The following PTPRN2 variants were observed in gnomAD, a reference collection of about 807,000 sequenced individuals.
The protein encoded by PTPRN2 is protein tyrosine phosphatase receptor type N2.
In PTPRN2, 74 loss-of-function variants were observed where a neutral mutation model predicts 118.8. The ratio of observed to expected loss-of-function variants is 0.62; its 90% CI spans 0.52 to 0.76. The LOEUF (loss-of-function observed/expected upper bound fraction) is 0.76. PTPRN2 is among the 30% of genes least tolerant of loss of function. The pLI, the probability that PTPRN2 is intolerant of heterozygous loss-of-function variation, is 0.00. For synonymous variants in PTPRN2, 641 were observed against 608.0 expected, an observed-to-expected ratio of 1.05 and a Z score of -0.80; for missense variants, 1,481 against 1,394.4, an observed-to-expected ratio of 1.06 and a Z score of -0.99.
At chr7:158,341,404 T>TAA (rs1806748623) in intron 2 of PTPRN2, among the ~76,000 whole-genome samples, 1 of 43,740 alleles carries the variant, frequency 2.3e-5, no homozygotes, top group African/African-American at 1.1e-4. Flanking sequence ...ATAAGAGCTG[T>TAA]CGCCCGCAGA....
chr7:158,254,304 G>A (rs1284202340), intron 3 of PTPRN2, among the ~76,000 whole-genome samples: 1 of 26,570 alleles, frequency 3.8e-5, no homozygotes. Context: ...CCACGTTCAG[G>A]AGCATCCCTG....
At chr7:158,224,315 A>C (rs1025847247) in intron 3 of PTPRN2, among the ~76,000 whole-genome samples, 8 of 152,202 alleles carry the variant, frequency 5.3e-5, no homozygotes, top group Admixed American at 2.6e-4. Flanking sequence ...AATAAAAATA[A>C]AGTGGAAGGA....
chr7:157,702,365 C>G (rs1023904826), intron 12 of PTPRN2, among the ~76,000 whole-genome samples: 2 of 152,134 alleles, frequency 1.3e-5, no homozygotes, highest in African/African-American at 4.8e-5. Flanking sequence ...TATGAGAAAG[C>G]CTGGTAGGTG....
chr7:158,153,014 A>G (rs149602954), intron 6 of PTPRN2, among the ~76,000 whole-genome samples: 1,620 of 146,030 alleles, frequency 0.011, 40 homozygotes, highest in African/African-American at 0.039. Context: ...GCATGCCAGC[A>G]GGCCACCGAC....
At chr7:158,174,335 A>G (rs1299464738) in intron 5 of PTPRN2, among the ~76,000 whole-genome samples, 2 of 151,972 alleles carry the variant, frequency 1.3e-5, no homozygotes, top group East Asian at 3.9e-4. Context: ...CCCCACCACC[A>G]TCATCTTCAC....
chr7:158,378,055 G>A (rs1040222408), intron 2 of PTPRN2, among the ~76,000 whole-genome samples: 1 of 152,124 alleles, frequency 6.6e-6, no homozygotes, highest in South Asian at 2.1e-4. Context: ...GGTGTGACAC[G>A]GCAGGTCCTG....
At chr7:158,049,621 C>T (rs549280128) in intron 11 of PTPRN2, among the ~76,000 whole-genome samples, 479 of 152,292 alleles carry the variant, frequency 3.1e-3, no homozygotes, top group Non-Finnish European at 5.6e-3. Flanking sequence ...AACCTGAGGC[C>T]GGGCGCAGGG....
chr7:158,358,216 G>A (rs999308454), intron 2 of PTPRN2, among the ~76,000 whole-genome samples: 15 of 152,158 alleles, frequency 9.9e-5, no homozygotes, highest in African/African-American at 3.1e-4. Context: ...GACGCCCTAC[G>A]CCCACCTTTC....
At chr7:158,430,937 A>C (rs994149187) in intron 2 of PTPRN2, among the ~76,000 whole-genome samples, 1 of 152,170 alleles carries the variant, frequency 6.6e-6, no homozygotes, top group African/African-American at 2.4e-5. Context: ...CGTGGAACCA[A>C]AGCAGACATG....
intron 11 of PTPRN2, among the ~76,000 whole-genome samples, chr7:158,033,428 G>T (rs56774282): frequency 6.6e-6 from 1 of 152,168 alleles, no homozygotes; most frequent in African/African-American, 2.4e-5. Flanking sequence ...CCTGAGTCAC[G>T]GGAGTGAGGT....
intron 11 of PTPRN2, among the ~76,000 whole-genome samples, chr7:158,011,081 G>C (rs1806014916): frequency 6.6e-6 from 1 of 152,206 alleles, no homozygotes; most frequent in Non-Finnish European, 1.5e-5. Flanking sequence ...ACACCACAAA[G>C]GTGTACAAAT....
intron 11 of PTPRN2, among the ~76,000 whole-genome samples, chr7:158,056,446 C>A (rs1437266833): frequency 6.6e-6 from 1 of 152,252 alleles, no homozygotes; most frequent in Non-Finnish European, 1.5e-5. Context: ...TTGGGAAAAA[C>A]ACATTTGTAA....
chr7:157,588,271 GCGGGTGGCCAACTCCCTT>G (rs1463735051), intron 17 of PTPRN2, among the ~76,000 whole-genome samples: 1 of 152,250 alleles, frequency 6.6e-6, no homozygotes, highest in Non-Finnish European at 1.5e-5. Flanking sequence ...AGGGGGGATG[GCGGGTGGCCAACTCCCTT>G]CGGTTGACTC....
chr7:157,921,712 G>T (rs1052087682), intron 11 of PTPRN2, among the ~76,000 whole-genome samples: 1 of 152,210 alleles, frequency 6.6e-6, no homozygotes, highest in African/African-American at 2.4e-5. Flanking sequence ...CAGTAAGAAA[G>T]CCCTTGTCAG....
intron 1 of PTPRN2, among the ~76,000 whole-genome samples, chr7:158,561,050 C>T (rs1334283606): frequency 6.6e-6 from 1 of 152,210 alleles, no homozygotes; most frequent in Non-Finnish European, 1.5e-5. Context: ...AGGGCAGGGC[C>T]TGGGAATCGG....
At chr7:158,340,957 G>C (rs1407190178) in intron 2 of PTPRN2, among the ~76,000 whole-genome samples, 1 of 82,596 alleles carries the variant, frequency 1.2e-5, no homozygotes, top group Non-Finnish European at 2.6e-5. Context: ...CATAAGAGCT[G>C]ACGCCCGCAG....
rs1188362414 is a variant in PTPRN2, at chr7:157,617,361, C to T, written c.2344+4001G>A. The T allele has an allele frequency of 1.3e-5, 2 of 148,626 alleles. No individual in the cohort carries two copies. The highest frequency in any genetic ancestry group is 3.0e-5 in the Non-Finnish European group (2 of 67,430). The allele number at this position is 148,626 out of a possible 1,614,324, so 9.2% of individuals were successfully genotyped here. A position where few individuals can be genotyped will look rare whatever the true frequency, so the allele number is the denominator to read the frequency against. On this transcript the variant is annotated intron_variant, in intron 15 of 22. Transcript: ENST00000389418. The surrounding 1 kb of genome is among the most constrained non-coding windows in gnomAD (Gnocchi z 7.5). Reference sequence around the variant, plus strand: ...GTGATGCCGTGGTTAGGACGCCGTTCACGCAGCTGCAGCGCAGAGCACGGG... The same window carrying T: ...GTGATGCCGTGGTTAGGACGCCGTTTACGCAGCTGCAGCGCAGAGCACGGG...
intron 1 of PTPRN2, among the ~76,000 whole-genome samples, chr7:158,540,625 A>C (rs1825930630): frequency 6.6e-6 from 1 of 152,170 alleles, no homozygotes; most frequent in African/African-American, 2.4e-5. Context: ...TCACCACCCC[A>C]CATCCAGACG....
At chr7:157,899,710 C>T (rs1797332612) in intron 11 of PTPRN2, among the ~76,000 whole-genome samples, 1 of 152,190 alleles carries the variant, frequency 6.6e-6, no homozygotes, top group African/African-American at 2.4e-5. Flanking sequence ...TTACAGCCTG[C>T]CCTCCCTGCT....
Sources: allele counts gnomAD v4.1 joint callset (sites outside exome capture counted in the v4.1 genomes callset), GRCh38; gene constraint gnomAD v4.1.1; non-coding constraint Gnocchi (gnomAD v3.1); transcripts MANE v1.5; gene names NCBI Gene and HGNC (gene_info 2026-07-23, HGNC 2026-07-21).